The following ANKRD17 variants were observed in gnomAD, a reference collection of about 807,000 sequenced individuals.
ANKRD17 encodes the protein ankyrin repeat domain-containing protein 17.
A neutral mutation model predicts 229.7 loss-of-function variants in ANKRD17; 19 were observed. That is an observed-to-expected ratio of 0.08 (90% CI 0.06 to 0.12). ANKRD17 has a LOEUF of 0.12. ANKRD17 is among the 10% of genes least tolerant of loss of function. The pLI is 1.00. For missense variants in ANKRD17, 2,176 were observed against 3,176.8 expected (o/e 0.68, Z 7.57); for synonymous variants, 1,112 against 1,146.1 (o/e 0.97, Z 0.60).
chr4:73,149,040 A>G lies in ANKRD17; in HGVS notation c.1340T>C (p.Val447Ala). The G allele has an allele frequency of 6.2e-7, 1 of 1,612,118 alleles. No individual in the cohort carries two copies. The highest frequency in any genetic ancestry group is 8.5e-7 in the Non-Finnish European group (1 of 1,178,814). ...ALMEACMDGH[V>A]EVARLLLDSG... ...GTCAAGAAGTAACCTAGCTACTTCA[A>G]CATGGCCATCCTAATGATAATACAA... is the stretch of plus-strand genomic sequence containing the variant. Residue 447 changes from valine to alanine, a missense_variant, in exon 8 of 34, where the codon GTT becomes GCT. Val to Ala is a moderately conservative substitution (Grantham distance 64). Around this residue, in one of 18 missense-constraint regions of ANKRD17, gnomAD observed 42 missense variants for 141.3 expected, o/e 0.30. Transcript: ENST00000358602.
chr4:73,196,350 C>A (rs1320870612), intron 1 of ANKRD17, among the ~76,000 whole-genome samples: 1 of 152,068 alleles, frequency 6.6e-6, no homozygotes. Flanking sequence ...TTCTTTCTTC[C>A]ATTCTGCCTG....
chr4:73,078,335 C>A (rs1329874047), intron 31 of ANKRD17, among the ~76,000 whole-genome samples: 1 of 151,936 alleles, frequency 6.6e-6, no homozygotes, highest in Admixed American at 6.6e-5. Flanking sequence ...AGAGATTGTG[C>A]CGCTGCAGTC....
chr4:73,175,841 C>A (rs1734666374), intron 2 of ANKRD17, among the ~76,000 whole-genome samples: 1 of 152,066 alleles, frequency 6.6e-6, no homozygotes, highest in Non-Finnish European at 1.5e-5. Context: ...AAGACCTCTA[C>A]TATGAAACTA....
intron 29 of ANKRD17, among the ~76,000 whole-genome samples, chr4:73,086,588 G>C (rs948612216): frequency 3.3e-5 from 5 of 151,174 alleles, no homozygotes; most frequent in African/African-American, 1.2e-4. Context: ...AATTGTCAAC[G>C]ATTTTTTTTT....
At chr4:73,229,665 C>G (rs1742863115) in intron 1 of ANKRD17, among the ~76,000 whole-genome samples, 2 of 149,136 alleles carry the variant, frequency 1.3e-5, no homozygotes, top group South Asian at 4.2e-4. Flanking sequence ...AGCTGATATA[C>G]AGGTGGAGAA....
intron 5 of ANKRD17, 116 bp downstream of exon 5, chr4:73,155,515 T>C: frequency 9.3e-7 from 1 of 1,078,236 alleles, no homozygotes; most frequent in Non-Finnish European, 1.4e-6. Flanking sequence ...TGTGAGAATA[T>C]GTAGCACTTC....
At chr4:73,227,813 AT>A (rs1176806100) in intron 1 of ANKRD17, among the ~76,000 whole-genome samples, 1 of 152,160 alleles carries the variant, frequency 6.6e-6, no homozygotes, top group African/African-American at 2.4e-5. Context: ...AAACAAAAAA[AT>A]ATGTAGAAAT....
At chr4:73,230,150 G>A (rs1325572614) in intron 1 of ANKRD17, among the ~76,000 whole-genome samples, 2 of 151,960 alleles carry the variant, frequency 1.3e-5, no homozygotes, top group Non-Finnish European at 2.9e-5. Flanking sequence ...AACATGCTTC[G>A]AGAAATGTAG....
chr4:73,110,503 T>C (rs1292492989), intron 24 of ANKRD17, among the ~76,000 whole-genome samples: 1 of 152,122 alleles, frequency 6.6e-6, no homozygotes, highest in South Asian at 2.1e-4. Context: ...ATTTTCCAAA[T>C]TAGAAAGACT....
At chr4:73,189,403 G>GTGTTTTTTTT (rs1553932825) in intron 1 of ANKRD17, among the ~76,000 whole-genome samples, 1 of 112,700 alleles carries the variant, frequency 8.9e-6, no homozygotes, top group African/African-American at 3.5e-5. Context: ...TGCCTGGAAT[G>GTGTTTTTTTT]TTTTTTTTTT....
Position 73,096,985 on chromosome 4 carries a change from T to G in ANKRD17, c.5177+132A>C. On this transcript the variant is annotated intron_variant, in intron 27 of 33. Transcript: ENST00000358602. ...AAAATATGGCACAGGCTCTCTCTGT[T>G]GGTCAAATTTAGCCTTGAACCATCA... The G allele has an allele frequency of 2.9e-6, 3 of 1,042,534 alleles. No homozygotes were observed. In the South Asian group the frequency reaches 5.3e-5, roughly 19 times the overall value. The allele number at this position is 1,042,534 out of a possible 1,614,324, so 64.6% of individuals were successfully genotyped here.
At chr4:73,132,425 A>T (rs1453892951) in intron 16 of ANKRD17, among the ~76,000 whole-genome samples, 1 of 152,144 alleles carries the variant, frequency 6.6e-6, no homozygotes, top group Non-Finnish European at 1.5e-5. Flanking sequence ...AGTAAATTTT[A>T]AAAACAAACA....
At chr4:73,176,483 A>C (rs948518744) in intron 2 of ANKRD17, among the ~76,000 whole-genome samples, 1 of 152,128 alleles carries the variant, frequency 6.6e-6, no homozygotes, top group African/African-American at 2.4e-5. Context: ...CAGTATATTG[A>C]AGAGGTATCT....
chr4:73,242,210 C>T (rs996849128), intron 1 of ANKRD17, among the ~76,000 whole-genome samples: 8 of 152,018 alleles, frequency 5.3e-5, no homozygotes, highest in African/African-American at 1.4e-4. Context: ...TTACTGGAAT[C>T]AATATGACAT....
chr4:73,158,562 T>TA (rs34447216), intron 3 of ANKRD17, among the ~76,000 whole-genome samples: 54,459 of 151,952 alleles, frequency 0.36, 10,311 homozygotes, highest in South Asian at 0.46. Context: ...ACCACGCTAT[T>TA]AAAAAATGTA....
chr4:73,256,833 A>G (rs1325496568), intron 1 of ANKRD17, among the ~76,000 whole-genome samples: 1 of 152,232 alleles, frequency 6.6e-6, no homozygotes, highest in African/African-American at 2.4e-5. Flanking sequence ...AGAATCCAAC[A>G]GGCTAAAAGG....
chr4:73,121,819 T>C (rs1223775116), intron 18 of ANKRD17, 60 bp from the exon 19 acceptor site: 5 of 1,494,148 alleles, frequency 3.3e-6, no homozygotes, highest in Non-Finnish European at 4.5e-6. Context: ...CCAAAGTGTG[T>C]ATTTTTAAAT....
intron 1 of ANKRD17, among the ~76,000 whole-genome samples, chr4:73,223,836 G>C (rs765314471): frequency 1.3e-5 from 2 of 152,118 alleles, no homozygotes; most frequent in Admixed American, 6.5e-5. Context: ...TAAAGTGAGT[G>C]AGTGACAGTG....
intron 1 of ANKRD17, 31 bp from the exon 2 acceptor site, chr4:73,177,564 G>A (rs1364329217): frequency 4.5e-6 from 7 of 1,553,254 alleles, no homozygotes; most frequent in Non-Finnish European, 5.3e-6. Context: ...GAGGGAGGAA[G>A]GGAGAAATGA....
Sources: allele counts gnomAD v4.1 joint callset (sites outside exome capture counted in the v4.1 genomes callset), GRCh38; gene constraint gnomAD v4.1.1; regional missense constraint gnomAD v4.1.1; transcripts MANE v1.5; gene names NCBI Gene and HGNC (gene_info 2026-07-23, HGNC 2026-07-21).